Variants in DSCAML1 observed in about 807,000 individuals in gnomAD.
The protein encoded by DSCAML1 is DS cell adhesion molecule like 1.
A neutral mutation model predicts 200.5 loss-of-function variants in DSCAML1; 38 were observed. The ratio of observed to expected loss-of-function variants is 0.19; its 90% CI spans 0.15 to 0.25. The LOEUF (loss-of-function observed/expected upper bound fraction) is 0.25, where lower values mean the gene tolerates loss of function less well. DSCAML1 is among the 10% of genes least tolerant of loss of function. The pLI is 1.00. For missense variants in DSCAML1, 2,223 were observed against 2,858.8 expected, an observed-to-expected ratio of 0.78 and a Z score of 5.07; for synonymous variants, 1,215 against 1,165.0, an observed-to-expected ratio of 1.04 and a Z score of -0.87.
At chr11:117,651,222 C>T (rs11216481) in intron 3 of DSCAML1, among the ~76,000 whole-genome samples, 1 of 152,362 alleles carries the variant, frequency 6.6e-6, no homozygotes, top group East Asian at 1.9e-4. Flanking sequence ...CCAGCCTCAG[C>T]TCAGGGATGG....
chr11:117,435,845 G>C, intron 26 of DSCAML1, 46 bp from the exon 27 acceptor site: 1 of 1,572,146 alleles, frequency 6.4e-7, no homozygotes, highest in African/African-American at 1.3e-5. Context: ...TATGAGCCAG[G>C]TGCTGTGCAG....
chr11:117,439,084 T>A, intron 23 of DSCAML1, 101 bp from the exon 24 acceptor site: 1 of 1,339,162 alleles, frequency 7.5e-7, no homozygotes, highest in Admixed American at 2.4e-5. Flanking sequence ...TCCCACACCC[T>A]CACTCCCACT....
intron 3 of DSCAML1, among the ~76,000 whole-genome samples, chr11:117,754,573 T>A (rs1230517061): frequency 6.6e-6 from 1 of 152,018 alleles, no homozygotes; most frequent in East Asian, 1.9e-4. Flanking sequence ...CCATGAGGGA[T>A]CCTTCTCCAC....
At chr11:117,709,167 T>G (rs981109601) in intron 3 of DSCAML1, among the ~76,000 whole-genome samples, 11 of 152,270 alleles carry the variant, frequency 7.2e-5, no homozygotes, top group African/African-American at 2.7e-4. Flanking sequence ...TGTGTGACCC[T>G]GTTGGCCATT....
In DSCAML1 at chr11:117,578,404, C is replaced by T. The variant is rs566133279; in HGVS notation, c.512-45882G>A. Among the ~76,000 whole-genome samples, 29 of 152,178 alleles carry T rather than the reference C, an allele frequency of 1.9e-4. No individual in the cohort carries two copies. The South Asian group carries it at 4.6e-3, about 24-fold the overall frequency. ...TATTGGTGTGGGCTGGGTGCAGAGG[C>T]GCATGCCTGTAATTCTACCACTTTG... On this transcript the variant is annotated intron_variant, in intron 3 of 32. Coordinates refer to ENST00000651296, the MANE Select transcript of DSCAML1 (RefSeq NM_020693.4).
chr11:117,487,131 G>A (rs563981994), intron 11 of DSCAML1, among the ~76,000 whole-genome samples: 86 of 151,706 alleles, frequency 5.7e-4, no homozygotes, highest in African/African-American at 1.9e-3. Context: ...CACCATATTG[G>A]TCAGGCTGGT....
At chr11:117,495,967 C>T (rs1813684314) in intron 11 of DSCAML1, among the ~76,000 whole-genome samples, 4 of 152,230 alleles carry the variant, frequency 2.6e-5, no homozygotes, top group Non-Finnish European at 5.9e-5. Context: ...TCCGTCTGGT[C>T]AGGTGAGCGC....
At chr11:117,428,931 G>A (rs556916948) in intron 32 of DSCAML1, 128 bp from the exon 33 acceptor site, 28 of 802,582 alleles carry the variant, frequency 3.5e-5, no homozygotes, top group Non-Finnish European at 4.1e-5. Flanking sequence ...TCCACTGGGG[G>A]GCAATAAAGA....
intron 3 of DSCAML1, among the ~76,000 whole-genome samples, chr11:117,613,027 G>C (rs1555190304): frequency 6.6e-6 from 1 of 152,108 alleles, no homozygotes; most frequent in Non-Finnish European, 1.5e-5. Flanking sequence ...GTCCATGGAT[G>C]GGCTTATGAG....
At chr11:117,441,448 G>A (rs2048045926) in intron 21 of DSCAML1, among the ~76,000 whole-genome samples, 1 of 152,228 alleles carries the variant, frequency 6.6e-6, no homozygotes, top group Non-Finnish European at 1.5e-5. Context: ...GGATCAGCAT[G>A]CACAGGCACA....
At chr11:117,434,533 T>G (rs532878286) in intron 27 of DSCAML1, among the ~76,000 whole-genome samples, 38 of 152,184 alleles carry the variant, frequency 2.5e-4, no homozygotes, top group African/African-American at 9.2e-4. Context: ...CAAGCATTTG[T>G]TCAATCATCT....
chr11:117,695,210 G>T (rs184511751), intron 3 of DSCAML1, among the ~76,000 whole-genome samples: 186 of 152,116 alleles, frequency 1.2e-3, no homozygotes, highest in Non-Finnish European at 1.5e-3. Context: ...TTATCTATGA[G>T]AATTAGGGAT....
intron 27 of DSCAML1, among the ~76,000 whole-genome samples, chr11:117,433,855 G>C (rs1458598801): frequency 6.6e-6 from 1 of 152,218 alleles, no homozygotes; most frequent in African/African-American, 2.4e-5. Context: ...GTGGAGAGGA[G>C]AGAGTGGAGG....
chr11:117,589,659 A>T (rs2051220394), intron 3 of DSCAML1, among the ~76,000 whole-genome samples: 1 of 152,232 alleles, frequency 6.6e-6, no homozygotes, highest in African/African-American at 2.4e-5. Context: ...GAGCGACTGA[A>T]TCCAGGTTGT....
intron 14 of DSCAML1, among the ~76,000 whole-genome samples, chr11:117,473,857 A>G (rs2048735512): frequency 6.6e-6 from 1 of 152,160 alleles, no homozygotes; most frequent in African/African-American, 2.4e-5. Flanking sequence ...GCAGGCTCCT[A>G]CCTGCTGTGG....
At chr11:117,794,890 C>G (rs1351038568) in intron 1 of DSCAML1, among the ~76,000 whole-genome samples, 2 of 152,202 alleles carry the variant, frequency 1.3e-5, no homozygotes, top group East Asian at 1.9e-4. Flanking sequence ...GCTGGAGCCT[C>G]TGAATCGCAG....
At chr11:117,430,167 G>A (rs559555528) in intron 32 of DSCAML1, among the ~76,000 whole-genome samples, 19 of 152,294 alleles carry the variant, frequency 1.2e-4, no homozygotes, top group South Asian at 4.1e-4. Context: ...CATATGCTCC[G>A]GCCAGGCCCG....
chr11:117,477,340 G>A (rs1380589141), intron 14 of DSCAML1, among the ~76,000 whole-genome samples: 1 of 142,980 alleles, frequency 7.0e-6, no homozygotes, highest in African/African-American at 2.6e-5. Context: ...GCTTTGTAAT[G>A]GTTCTGAAAG....
intron 3 of DSCAML1, among the ~76,000 whole-genome samples, chr11:117,625,986 G>A (rs551830788): frequency 1.9e-4 from 29 of 152,224 alleles, no homozygotes; most frequent in African/African-American, 6.8e-4. Context: ...TCTGGACATC[G>A]GTGGAGGAGG....
Sources: allele counts gnomAD v4.1 joint callset (sites outside exome capture counted in the v4.1 genomes callset), GRCh38; gene constraint gnomAD v4.1.1; transcripts MANE v1.5; gene names NCBI Gene and HGNC (gene_info 2026-07-23, HGNC 2026-07-21).